NXPE2: variants seen among roughly 807,000 people sequenced by gnomAD.
NXPE2 encodes neurexophilin and PC-esterase domain family member 2.
NXPE2 carries 34 observed loss-of-function variants against 34.4 expected under a neutral mutation model. The ratio of observed to expected loss-of-function variants is 0.99; its 90% CI spans 0.75 to 1.31. The LOEUF (loss-of-function observed/expected upper bound fraction) is 1.31, where lower values mean the gene tolerates loss of function less well. Ranked by LOEUF, NXPE2 falls within the 40% of genes most tolerant of loss-of-function variation. NXPE2 has a pLI of 0.00. For synonymous variants in NXPE2, 235 were observed against 231.3 expected, an observed-to-expected ratio of 1.02 and a Z score of -0.15; for missense variants, 649 against 672.5, an observed-to-expected ratio of 0.97 and a Z score of 0.39.
intron 2 of NXPE2, among the ~76,000 whole-genome samples, chr11:114,695,769 G>C (rs1297933670): frequency 6.6e-6 from 1 of 151,398 alleles, no homozygotes; most frequent in South Asian, 2.1e-4. Context: ...AAGGCAGGCG[G>C]ATCACGAAGT....
chr11:114,626,479 G>A, the NXPE2 span, among the ~76,000 whole-genome samples: 7 of 152,074 alleles, frequency 4.6e-5, no homozygotes, highest in Non-Finnish European at 8.8e-5. Context: ...TCTGTTAGAA[G>A]GAAAACTAAC....
the NXPE2 span, among the ~76,000 whole-genome samples, chr11:114,561,401 A>G: frequency 1.3e-5 from 2 of 152,292 alleles, no homozygotes; most frequent in South Asian, 4.1e-4. Context: ...ATATGAACAT[A>G]TTGCCTCACT....
At chr11:114,730,631 TC>T in the NXPE2 span, among the ~76,000 whole-genome samples, 2 of 152,162 alleles carry the variant, frequency 1.3e-5, no homozygotes, top group Non-Finnish European at 2.9e-5. Context: ...TTAGATGTAT[TC>T]CTAGGTATTT....
chr11:114,519,697 G>A, the NXPE2 span, among the ~76,000 whole-genome samples: 1 of 152,048 alleles, frequency 6.6e-6, no homozygotes, highest in Admixed American at 6.6e-5. Context: ...TGGTGCAGAG[G>A]CTTCAGAGAC....
At chr11:114,677,636 A>G (rs924456845), upstream of NXPE2, among the ~76,000 whole-genome samples, 1 of 152,064 alleles carries the variant, frequency 6.6e-6, no homozygotes, top group Non-Finnish European at 1.5e-5. Context: ...ATGCTGTTAT[A>G]TAGACATGGA....
chr11:114,657,687 A>G, the NXPE2 span, among the ~76,000 whole-genome samples: 1 of 152,188 alleles, frequency 6.6e-6, no homozygotes, highest in African/African-American at 2.4e-5. Context: ...CATGCATTTA[A>G]AAACACTGTT....
intron 2 of NXPE2, among the ~76,000 whole-genome samples, chr11:114,683,367 A>G (rs1950981258): frequency 6.6e-6 from 1 of 151,644 alleles, no homozygotes; most frequent in Admixed American, 6.6e-5. Flanking sequence ...CTCATTTATT[A>G]TGTTCATTGA....
the NXPE2 span, among the ~76,000 whole-genome samples, chr11:114,603,713 G>A: frequency 1.8e-4 from 27 of 150,960 alleles, no homozygotes; most frequent in Non-Finnish European, 3.2e-4. Context: ...GTATTGCCTC[G>A]TCTCCTAGTT....
At chr11:114,618,928 T>C in the NXPE2 span, among the ~76,000 whole-genome samples, 14 of 152,192 alleles carry the variant, frequency 9.2e-5, no homozygotes, top group East Asian at 2.7e-3. Flanking sequence ...GGGTAATCAC[T>C]GCTACCCACT....
chr11:114,810,563 TG>T, the NXPE2 span, among the ~76,000 whole-genome samples: 18 of 152,198 alleles, frequency 1.2e-4, no homozygotes, highest in African/African-American at 4.3e-4. Flanking sequence ...AAGACATTTA[TG>T]CAGCCAAAAA....
chr11:114,552,809 T>G, the NXPE2 span: 1 of 854,942 alleles, frequency 1.2e-6, no homozygotes, highest in Non-Finnish European at 1.4e-6. Flanking sequence ...AATCTCCTTT[T>G]CATAGATCTT....
chr11:114,634,068 C>T, the NXPE2 span, among the ~76,000 whole-genome samples: 3 of 151,828 alleles, frequency 2.0e-5, no homozygotes, highest in South Asian at 4.2e-4. Flanking sequence ...AACTAGTTTA[C>T]AGTTCCACCA....
the NXPE2 span, among the ~76,000 whole-genome samples, chr11:114,478,070 C>G: frequency 6.6e-6 from 1 of 152,008 alleles, no homozygotes; most frequent in Non-Finnish European, 1.5e-5. Flanking sequence ...ACACTGCCCC[C>G]TCCCCCACCC....
At chr11:114,661,274 T>C in the NXPE2 span, among the ~76,000 whole-genome samples, 1 of 152,132 alleles carries the variant, frequency 6.6e-6, no homozygotes, top group Non-Finnish European at 1.5e-5. Context: ...TGTTGAAAGG[T>C]AAGGGAAATA....
At chr11:114,650,102 T>G in the NXPE2 span, among the ~76,000 whole-genome samples, 2 of 152,098 alleles carry the variant, frequency 1.3e-5, no homozygotes, top group Non-Finnish European at 2.9e-5. Flanking sequence ...TATACAAAAG[T>G]GTAACTTTCT....
the NXPE2 span, among the ~76,000 whole-genome samples, chr11:114,524,399 T>C: frequency 6.6e-6 from 1 of 152,210 alleles, no homozygotes; most frequent in Non-Finnish European, 1.5e-5. Flanking sequence ...GTCCACAGAA[T>C]AGTGCATCAT....
chr11:114,526,379 G>C, the NXPE2 span: 1 of 152,142 alleles, frequency 6.6e-6, no homozygotes, highest in African/African-American at 2.4e-5. Flanking sequence ...ATCCCATCTA[G>C]AGACAGTATT....
At chr11:114,533,245 A>C in the NXPE2 span, among the ~76,000 whole-genome samples, 5 of 152,230 alleles carry the variant, frequency 3.3e-5, no homozygotes, top group African/African-American at 9.7e-5. Flanking sequence ...AAGAAGCCGA[A>C]TACAAAACAA....
the NXPE2 span, among the ~76,000 whole-genome samples, chr11:114,788,172 T>G: frequency 1.3e-5 from 2 of 152,208 alleles, no homozygotes; most frequent in African/African-American, 4.8e-5. Context: ...TCAATAGAGC[T>G]GCTGCCCCCA....
Sources: allele counts gnomAD v4.1 joint callset (sites outside exome capture counted in the v4.1 genomes callset), GRCh38; gene constraint gnomAD v4.1.1; transcripts MANE v1.5; gene names NCBI Gene and HGNC (gene_info 2026-07-23, HGNC 2026-07-21).